GPD2: variants seen among roughly 807,000 people sequenced by gnomAD.
GPD2 encodes glycerol-3-phosphate dehydrogenase, mitochondrial.
A neutral mutation model predicts 82.4 loss-of-function variants in GPD2; 54 were observed. The ratio of observed to expected loss-of-function variants is 0.66; its 90% CI spans 0.53 to 0.82. The LOEUF (loss-of-function observed/expected upper bound fraction) is 0.82, where lower values mean the gene tolerates loss of function less well. GPD2 is among the 40% of genes least tolerant of loss of function. The pLI is 0.00. For synonymous variants in GPD2, 288 were observed against 306.1 expected, an observed-to-expected ratio of 0.94 and a Z score of 0.62; for missense variants, 748 against 896.2, an observed-to-expected ratio of 0.83 and a Z score of 2.11.
At chr2:156,556,669 G>A (rs1490817952) in intron 8 of GPD2, among the ~76,000 whole-genome samples, 2 of 152,148 alleles carry the variant, frequency 1.3e-5, no homozygotes, top group African/African-American at 4.8e-5. Context: ...TGTCTTTTAT[G>A]TAAAAGATTT....
intron 3 of GPD2, among the ~76,000 whole-genome samples, chr2:156,497,223 G>GA: frequency 6.6e-6 from 1 of 152,124 alleles, no homozygotes; most frequent in East Asian, 1.9e-4. Context: ...TTCAAATGAG[G>GA]AAAAAATACC....
chr2:156,570,059 C>T, intron 11 of GPD2, 28 bp from the exon 12 acceptor site: 1 of 1,606,206 alleles, frequency 6.2e-7, no homozygotes, highest in Non-Finnish European at 8.5e-7. Context: ...ATTCAAAGTG[C>T]CTGCCTAACG....
intron 13 of GPD2, among the ~76,000 whole-genome samples, chr2:156,571,622 C>T (rs1687643618): frequency 6.6e-6 from 1 of 152,128 alleles, no homozygotes; most frequent in Non-Finnish European, 1.5e-5. Flanking sequence ...CAAACTCCTG[C>T]TAGTGTGCCT....
At chr2:156,489,768 CCT>C (rs1684099086) in intron 2 of GPD2, among the ~76,000 whole-genome samples, 25 of 92,390 alleles carry the variant, frequency 2.7e-4, no homozygotes, top group East Asian at 7.1e-4. Flanking sequence ...TCTCTTCGTC[CCT>C]TCCCTCCTCT....
chr2:156,538,514 G>C (rs144487689), intron 6 of GPD2, among the ~76,000 whole-genome samples: 2 of 151,704 alleles, frequency 1.3e-5, no homozygotes, highest in African/African-American at 4.8e-5. Context: ...AAACCTATTT[G>C]AATAACCAAA....
chr2:156,557,554 G>A lies in GPD2; in HGVS notation c.1137G>A (p.Val379=). Reference sequence around the variant, plus strand: ...ATATCAACTTCATTTTGAATGAAGTGCGTAATTACCTGAGTTGTGATGTTG... The same window carrying A: ...ATATCAACTTCATTTTGAATGAAGTACGTAATTACCTGAGTTGTGATGTTG... ...EEDINFILNE[V]RNYLSCDVEV... is the part of the protein sequence containing the mutation. Residue 379 remains valine, a synonymous_variant, in exon 9 of 17, where the codon GTG becomes GTA. Transcript: ENST00000438166. The A allele has an allele frequency of 6.3e-7, 1 of 1,593,706 alleles. No individual in the cohort carries two copies. The highest frequency in any genetic ancestry group is 1.1e-5 in the South Asian group (1 of 90,692).
chr2:156,552,934 G>A (rs1403285490), intron 8 of GPD2, among the ~76,000 whole-genome samples: 2 of 119,524 alleles, frequency 1.7e-5, no homozygotes, highest in Non-Finnish European at 3.3e-5. Flanking sequence ...AGGTTTTGCT[G>A]TGTCACCTAG....
At chr2:156,563,881 T>A (rs2105355277) in intron 9 of GPD2, among the ~76,000 whole-genome samples, 1 of 152,278 alleles carries the variant, frequency 6.6e-6, no homozygotes, top group Middle Eastern at 3.4e-3. Context: ...TAGTTACAAT[T>A]AACTGAAATT....
chr2:156,423,222 A>G, the GPD2 span, among the ~76,000 whole-genome samples: 1 of 152,178 alleles, frequency 6.6e-6, no homozygotes, highest in South Asian at 2.1e-4. Context: ...GTTTTCTATT[A>G]TTTTTATAAG....
chr2:156,528,022 G>A (rs1685678322), intron 6 of GPD2, among the ~76,000 whole-genome samples: 1 of 152,068 alleles, frequency 6.6e-6, no homozygotes, highest in East Asian at 1.9e-4. Context: ...TAGTGAAAAA[G>A]AAGGTAAAAA....
At chr2:156,582,484 T>TAA (rs5835627) in intron 16 of GPD2, among the ~76,000 whole-genome samples, 37,844 of 136,402 alleles carry the variant, frequency 0.28, 5,316 homozygotes, top group South Asian at 0.33. Flanking sequence ...TTGAAGTTGC[T>TAA]AAAAAAAAAA....
chr2:156,480,048 G>T (rs1276597561), intron 2 of GPD2, among the ~76,000 whole-genome samples: 3 of 152,162 alleles, frequency 2.0e-5, no homozygotes, highest in Non-Finnish European at 4.4e-5. Context: ...ATTTAGTATA[G>T]GTTGGTTTAA....
At chr2:156,439,661 A>T (rs1330126301) in intron 1 of GPD2, among the ~76,000 whole-genome samples, 5 of 151,376 alleles carry the variant, frequency 3.3e-5, no homozygotes, top group Non-Finnish European at 7.4e-5. Flanking sequence ...AGCCTGGCCA[A>T]CATGGCAAAA....
intron 6 of GPD2, among the ~76,000 whole-genome samples, chr2:156,515,270 C>G (rs1685157597): frequency 6.6e-6 from 1 of 151,728 alleles, no homozygotes; most frequent in Non-Finnish European, 1.5e-5. Flanking sequence ...GGTGCGGTGG[C>G]ATGCACTTGT....
intron 6 of GPD2, among the ~76,000 whole-genome samples, chr2:156,517,068 G>C (rs550409614): frequency 6.6e-6 from 1 of 152,198 alleles, no homozygotes; most frequent in African/African-American, 2.4e-5. Flanking sequence ...GGCAAAGTTT[G>C]TTCTCCCACA....
At chr2:156,565,573 C>T (rs566008039) in intron 9 of GPD2, among the ~76,000 whole-genome samples, 1 of 152,128 alleles carries the variant, frequency 6.6e-6, no homozygotes, top group South Asian at 2.1e-4. Context: ...GCTTTCCTCG[C>T]CAGTTAATTA....
In GPD2 at chr2:156,472,324, AATTTTTT is replaced by A. The variant is rs577430937; in HGVS notation, c.-8-3766_-8-3760del. On this transcript the variant is annotated intron_variant, in intron 1 of 16. Transcript: ENST00000438166. ...AGCATTAAAACAAAGTTCTTTTTTAAATTTTTTATTTTTTGAGACAGGGTCTTACTCT... is the reference window on the plus strand; with the variant it reads ...AGCATTAAAACAAAGTTCTTTTTTAAATTTTTTGAGACAGGGTCTTACTCT... Among the ~76,000 whole-genome samples the A allele has an allele frequency of 9.1e-4, 139 of 152,006 alleles. 1 individual carries two copies. In the South Asian group the frequency reaches 0.028, roughly 31 times the overall value.
At chr2:156,443,932 C>T (rs941689699) in intron 1 of GPD2, among the ~76,000 whole-genome samples, 5 of 152,202 alleles carry the variant, frequency 3.3e-5, no homozygotes, top group African/African-American at 7.2e-5. Flanking sequence ...ATGGGGACAG[C>T]GCATTGGGGA....
At chr2:156,452,181 A>C (rs973231464) in intron 1 of GPD2, among the ~76,000 whole-genome samples, 5 of 152,200 alleles carry the variant, frequency 3.3e-5, no homozygotes, top group East Asian at 1.9e-4. Context: ...CACTCCTGGC[A>C]CTTTGGGAGG....
Sources: allele counts gnomAD v4.1 joint callset (sites outside exome capture counted in the v4.1 genomes callset), GRCh38; gene constraint gnomAD v4.1.1; transcripts MANE v1.5; gene names NCBI Gene and HGNC (gene_info 2026-07-23, HGNC 2026-07-21).